Variants in TRPV2 observed in about 807,000 individuals in gnomAD.
TRPV2 encodes the protein OTRPC2.
TRPV2 carries 58 observed loss-of-function variants against 91.0 expected under a neutral mutation model. That is an observed-to-expected ratio of 0.64 (90% CI 0.52 to 0.79). The LOEUF (loss-of-function observed/expected upper bound fraction) is 0.79, where lower values mean the gene tolerates loss of function less well. Among genes scored for constraint, TRPV2 ranks in the 30% least tolerant of loss-of-function variants. The probability of loss-of-function intolerance (pLI) is 0.00; values close to 1 mark genes in which losing one functional copy is unlikely to be tolerated. For synonymous variants in TRPV2, 417 were observed against 414.8 expected, an observed-to-expected ratio of 1.01 and a Z score of -0.06; for missense variants, 807 against 969.6, an observed-to-expected ratio of 0.83 and a Z score of 2.23.
Position 16,436,906 on chromosome 17 carries a change from G to A in TRPV2, c.*17G>A, listed in dbSNP as rs1483647419. 2 of 1,595,512 alleles carry A rather than the reference G, an allele frequency of 1.3e-6. No homozygotes were observed. Among genetic ancestry groups the A allele is most frequent in the South Asian group, 1.1e-5 (1 of 90,720 alleles). ...TCCAACTGATGGCCCAGATGCAGCA[G>A]GAGGCCAGAGGACAGAGCAGAGGAT... On this transcript the variant is annotated 3_prime_UTR_variant, in exon 15 of 15. Coordinates refer to ENST00000338560, the MANE Select transcript of TRPV2 (RefSeq NM_016113.5).
chr17:16,430,157 G>A (rs560388953), intron 10 of TRPV2, among the ~76,000 whole-genome samples: 4 of 152,018 alleles, frequency 2.6e-5, no homozygotes, highest in South Asian at 4.2e-4. Flanking sequence ...GAGCTACTGC[G>A]CCTGGCCCAT....
rs1296412141 is a variant in TRPV2, at chr17:16,422,717, G to C, written c.453G>C (p.Leu151=). The change falls in exon 4 of 15, where the codon CTG becomes CTC. Residue 151 remains leucine (L), a synonymous_variant. Transcript: ENST00000338560. ...IDRDSGNPQP[L]VNAQCTDDYY... is the part of the protein sequence containing the mutation. ...GGGACTCTGGCAATCCTCAGCCCCT[G>C]GTAAATGCCCAGTGCACAGATGACT... is the stretch of plus-strand genomic sequence containing the variant. The C allele has an allele frequency of 1.9e-6, 3 of 1,604,466 alleles. No homozygotes were observed. The highest frequency in any genetic ancestry group is 1.7e-4 in the Middle Eastern group (1 of 6,058).
chr17:16,423,793 C>T (rs774630128), intron 5 of TRPV2, 26 bp downstream of exon 5: 4 of 1,530,548 alleles, frequency 2.6e-6, no homozygotes, highest in South Asian at 1.2e-5. Context: ...CTTCCCACTT[C>T]CCCTCTCCAG....
In TRPV2 at chr17:16,426,095, G is replaced by A; in HGVS notation, c.925-4G>A. ...GAATGCAAGCTCATATGGCCACCCT[G>A]CAGATTTTCAGGCACATCCTGCAGC... On this transcript the variant is annotated splice_region_variant and splice_polypyrimidine_tract_variant and intron_variant, in intron 5 of 14. Coordinates refer to ENST00000338560, the MANE Select transcript of TRPV2 (RefSeq NM_016113.5). The surrounding 1 kb of genome is among the most constrained non-coding windows in gnomAD (Gnocchi z 6.0). The A allele has an allele frequency of 6.2e-7, 1 of 1,614,174 alleles. No homozygotes were observed. Among genetic ancestry groups the A allele is most frequent in the Non-Finnish European group, 8.5e-7 (1 of 1,180,006 alleles).
intron 2 of TRPV2, chr17:16,419,263 C>A (rs760730691): frequency 4.5e-5 from 21 of 467,798 alleles, no homozygotes; most frequent in Middle Eastern, 3.6e-4. Flanking sequence ...ATGCCCTTCC[C>A]ACTTCCAGTC....
chr17:16,421,577 A>G (rs1460843034), intron 3 of TRPV2, among the ~76,000 whole-genome samples: 5 of 135,488 alleles, frequency 3.7e-5, no homozygotes, highest in Admixed American at 1.6e-4. Flanking sequence ...GCTGGAGTGC[A>G]GTGGCGTGAT....
rs1253604409 is a variant in TRPV2, at chr17:16,436,836, G to A, written c.2242G>A (p.Asp748Asn). The A allele has an allele frequency of 6.2e-7, 1 of 1,614,044 alleles. No homozygotes were observed. The highest frequency in any genetic ancestry group is 2.2e-5 in the East Asian group (1 of 44,898). Reference protein sequence around the residue: ...VLASPPKEDEDGASEENYVPV... With the variant: ...VLASPPKEDENGASEENYVPV... Reference sequence around the variant, plus strand: ...GGCTTCCCCTCCCAAGGAGGATGAGGATGGTGCCTCTGAGGAAAACTATGT... The same window carrying A: ...GGCTTCCCCTCCCAAGGAGGATGAGAATGGTGCCTCTGAGGAAAACTATGT... Residue 748 changes from aspartate (D) to asparagine (N), a missense_variant, in exon 15 of 15, where the codon GAT becomes AAT. Asp to Asn is a conservative substitution (Grantham distance 23). Transcript: ENST00000338560.
rs2093327560 is a variant in TRPV2, at chr17:16,415,785, G to C, written c.-156G>C. 1 of 152,378 alleles carries C rather than the reference G, an allele frequency of 6.6e-6. No individual in the cohort carries two copies. The highest frequency in any genetic ancestry group is 2.4e-5 in the African/African-American group (1 of 41,462). The allele number at this position is 152,378 out of a possible 1,614,324, so 9.4% of individuals were successfully genotyped here. On this transcript the variant is annotated 5_prime_UTR_variant, in exon 1 of 15. Coordinates refer to ENST00000338560, the MANE Select transcript of TRPV2 (RefSeq NM_016113.5). The surrounding 1 kb of genome is among the most constrained non-coding windows in gnomAD (Gnocchi z 4.5). The stretch of plus-strand genomic sequence containing the variant: ...TTCCTCCCGCAGCCCCTGCTACTGA[G>C]AAGCTCCGGGATCCCAGCAGCCGCC...
At chr17:16,419,460 G>A (rs971581374) in intron 2 of TRPV2, 4 of 469,584 alleles carry the variant, frequency 8.5e-6, no homozygotes, top group African/African-American at 4.0e-5. Context: ...GAATCTCTCT[G>A]GGGATTCAGA....
rs374739048 is a variant in TRPV2 at position 16,428,531 on chromosome 17, TCTGGGCTGCCGTCCAGC to T, written c.1421+150_1421+166del. ...TCTGTGTACAGGCCAGTCCCAGGAG[TCTGGGCTGCCGTCCAGC>T]CTGGGGCCCCTTGTGCTCCCATCAC... On this transcript the variant is annotated intron_variant, in intron 9 of 14. Transcript: ENST00000338560. The T allele has an allele frequency of 7.1e-4, 664 of 930,012 alleles. 2 individuals are homozygous for T. The African/African-American group carries it at 9.9e-3, about 14-fold the overall frequency. The allele number at this position is 930,012 out of a possible 1,614,324, so 57.6% of individuals were successfully genotyped here. A position where few individuals can be genotyped will look rare whatever the true frequency, so the allele number is the denominator to read the frequency against.
chr17:16,436,424 G>A (rs549472495), intron 14 of TRPV2, among the ~76,000 whole-genome samples: 2 of 152,212 alleles, frequency 1.3e-5, no homozygotes, highest in South Asian at 4.2e-4. Flanking sequence ...GTCTCTGTCG[G>A]AAGTGCTCTT....
Position 16,432,258 on chromosome 17 carries a change from C to G in TRPV2, c.1947C>G (p.Val649=), listed in dbSNP as rs181176832. ...NMLIALMSET[V]NSVATDSWSI... is the part of the protein sequence containing the mutation. Reference sequence around the variant, plus strand: ...TCATCGCCCTCATGAGCGAGACCGTCAACAGTGTCGCCACTGACAGCTGGA... The same window carrying G: ...TCATCGCCCTCATGAGCGAGACCGTGAACAGTGTCGCCACTGACAGCTGGA... Residue 649 remains valine, a synonymous_variant, in exon 12 of 15, where the codon GTC becomes GTG. Coordinates refer to ENST00000338560, the MANE Select transcript of TRPV2 (RefSeq NM_016113.5). 76 of 1,612,068 alleles carry G rather than the reference C, an allele frequency of 4.7e-5. No individual in the cohort carries two copies. In the East Asian group the frequency reaches 1.7e-3, roughly 35 times the overall value.
chr17:16,432,397 G>T, intron 12 of TRPV2, 97 bp downstream of exon 12: 5 of 1,072,638 alleles, frequency 4.7e-6, no homozygotes, highest in Middle Eastern at 3.0e-4. Context: ...CTAGCCAGGA[G>T]ATGCCGGGTT....
Position 16,434,872 on chromosome 17 carries a change from C to T in TRPV2, c.2115-18C>T. 6.2e-7 allele frequency: 1 copy of T among 1,609,494 alleles called. No homozygotes were observed. Among genetic ancestry groups the T allele is most frequent in the African/African-American group, 1.3e-5 (1 of 74,888 alleles). ...CGGTCAAAGCAGGCAAACCTCAGAG[C>T]TGCTCTGTTGCCCTCAGGGTGGAGG... On this transcript the variant is annotated intron_variant, in intron 13 of 14. Coordinates refer to ENST00000338560, the MANE Select transcript of TRPV2 (RefSeq NM_016113.5).
At chr17:16,432,494 G>A (rs2093418026) in intron 12 of TRPV2, among the ~76,000 whole-genome samples, 194 bp downstream of exon 12, 2 of 150,604 alleles carry the variant, frequency 1.3e-5, no homozygotes, top group African/African-American at 2.4e-5. Context: ...AGGCTGGAGT[G>A]CAGTGGCACG....
rs542201846 is a variant in TRPV2 at position 16,428,872 on chromosome 17, G to A, written c.1477G>A (p.Glu493Lys). 7.4e-6 allele frequency: 12 copies of A among 1,614,054 alleles called. No homozygotes were observed. The highest frequency in any genetic ancestry group is 6.7e-5 in the African/African-American group (5 of 75,040). ...VSQVLCFLAI[E>K]WYLPLLVSAL... ...CCAGGTGCTGTGTTTCCTGGCCATC[G>A]AGTGGTACCTGCCCCTGCTTGTGTC... Residue 493 changes from glutamate (E) to lysine (K), a missense_variant, in exon 10 of 15, where the codon GAG becomes AAG. Transcript: ENST00000338560.
chr17:16,417,614 A>T lies in TRPV2; in HGVS notation c.-55A>T. On this transcript the variant is annotated 5_prime_UTR_variant, in exon 2 of 15. Coordinates refer to ENST00000338560, the MANE Select transcript of TRPV2 (RefSeq NM_016113.5). ...AGCTGGGAGGAAGACAGGACCCTTG[A>T]CATCTCCATCTGCACAGAGGTCCTG... 6.3e-7 allele frequency: 1 copy of T among 1,582,052 alleles called. No homozygotes were observed.
rs575728156 is a variant in TRPV2, at chr17:16,423,848, G to C, written c.924+81G>C. On this transcript the variant is annotated intron_variant, in intron 5 of 14. Transcript: ENST00000338560. ...CAAAATTTCTGCAGAAAGAACCCAG[G>C]GGGTGGTGAAGAGCAGTGGCTTCTC... 2.2e-5 allele frequency: 31 copies of C among 1,423,546 alleles called. No homozygotes were observed. The South Asian group carries it at 4.1e-4, about 19-fold the overall frequency. 88.2% of individuals were successfully genotyped at this position (1,423,546 alleles called of 1,614,324 possible). A position where few individuals can be genotyped will look rare whatever the true frequency, so the allele number is the denominator to read the frequency against.
At position 16,432,146 on chromosome 17, in the gene TRPV2, T is replaced by C; in HGVS notation, c.1835T>C (p.Phe612Ser). ...ACCATCGGCATGGGCGAGCTGGCCT[T>C]CCAGGAGCAGCTGCACTTCCGCGGC... ...KFTIGMGELA[F>S]QEQLHFRGMV... Residue 612 changes from phenylalanine to serine, a missense_variant, in exon 12 of 15, where the codon TTC (phenylalanine) becomes TCC (serine). Transcript: ENST00000338560. The C allele has an allele frequency of 6.2e-7, 1 of 1,614,240 alleles. No individual in the cohort carries two copies. Among genetic ancestry groups the C allele is most frequent in the Non-Finnish European group, 8.5e-7 (1 of 1,180,042 alleles).
Sources: allele counts gnomAD v4.1 joint callset (sites outside exome capture counted in the v4.1 genomes callset), GRCh38; gene constraint gnomAD v4.1.1; non-coding constraint Gnocchi (gnomAD v3.1); transcripts MANE v1.5; gene names NCBI Gene and HGNC (gene_info 2026-07-23, HGNC 2026-07-21).